Variants in CFAP100 observed in about 807,000 individuals in gnomAD.
The protein encoded by CFAP100 is cilia and flagella associated protein 100, also known as cilia- and flagella-associated protein 100.
CFAP100 carries 70 observed loss-of-function variants against 81.5 expected under a neutral mutation model. The observed-to-expected ratio is 0.86, with a 90% confidence interval of 0.71 to 1.05. CFAP100 has a LOEUF of 1.05. CFAP100 is among the 50% of genes least tolerant of loss of function. CFAP100 has a pLI of 0.00. For synonymous variants in CFAP100, 341 were observed against 314.8 expected (o/e 1.08, Z -0.88); for missense variants, 811 against 776.5 (o/e 1.04, Z -0.53).
At chr3:126,399,923 T>C (rs1482781576) in intron 2 of CFAP100, among the ~76,000 whole-genome samples, 1 of 152,108 alleles carries the variant, frequency 6.6e-6, no homozygotes, top group African/African-American at 2.4e-5. Flanking sequence ...GATCTTGTCC[T>C]CCAAAAATTG....
chr3:126,399,899 G>A lies in CFAP100; in HGVS notation c.49+3850G>A, dbSNP rs1159381597. 5.9e-5 allele frequency among the ~76,000 whole-genome samples: 9 copies of A among 152,136 alleles called. 1 individual carries two copies. The highest frequency in any genetic ancestry group is 5.2e-4 in the Admixed American group (8 of 15,276). ...TTCCCGGTACAGCTTGCTGGTGCCA[G>A]GGTGGGAAATAAGGATCTTGTCCTC... On this transcript the variant is annotated intron_variant, in intron 2 of 16. Transcript: ENST00000352312.
In CFAP100 at chr3:126,419,720, T is replaced by G. The variant is rs2083297842; in HGVS notation, c.815T>G (p.Leu272Arg). The G allele has an allele frequency of 6.2e-7, 1 of 1,613,952 alleles. No individual in the cohort carries two copies. The highest frequency in any genetic ancestry group is 1.1e-5 in the South Asian group (1 of 91,092). Residue 272 changes from leucine to arginine, a missense_variant, in exon 9 of 17, where the codon CTT (leucine) becomes CGT (arginine). Transcript: ENST00000352312. ...TACAAGCTGTCGCCCAAGGAGTGGC[T>G]TGAAGAACAGGAAAAGAAACACTCG... ...FLYKLSPKEW[L>R]EEQEKKHSFL... is the part of the protein sequence containing the mutation.
intron 4 of CFAP100, among the ~76,000 whole-genome samples, chr3:126,415,154 C>A (rs935394772): frequency 6.6e-6 from 1 of 152,132 alleles, no homozygotes; most frequent in Non-Finnish European, 1.5e-5. Context: ...TCGAGGCCTC[C>A]CCCACCTTCC....
intron 3 of CFAP100, among the ~76,000 whole-genome samples, chr3:126,413,768 C>G (rs1046405899): frequency 3.9e-5 from 6 of 152,226 alleles, no homozygotes; most frequent in Non-Finnish European, 8.8e-5. Flanking sequence ...CTCGGCCTCC[C>G]TTCTCCATAA....
At chr3:126,425,086 A>C (rs1271005053) in intron 13 of CFAP100, among the ~76,000 whole-genome samples, 10 of 152,264 alleles carry the variant, frequency 6.6e-5, no homozygotes, top group Non-Finnish European at 1.3e-4. Context: ...GGTGACAGAC[A>C]CAGAGGAAGA....
intron 2 of CFAP100, among the ~76,000 whole-genome samples, chr3:126,400,751 C>T: frequency 7.0e-6 from 1 of 143,444 alleles, no homozygotes; most frequent in Admixed American, 7.0e-5. Context: ...GACTCCGTCT[C>T]AAAAAAAAAA....
At chr3:126,416,562 G>T in intron 5 of CFAP100, 54 bp downstream of exon 5, 1 of 1,417,082 alleles carries the variant, frequency 7.1e-7, no homozygotes. Context: ...CACAACCGCA[G>T]CTCAGGGGGC....
intron 3 of CFAP100, among the ~76,000 whole-genome samples, chr3:126,408,024 C>G (rs1197374435): frequency 2.6e-5 from 4 of 152,158 alleles, no homozygotes; most frequent in Non-Finnish European, 4.4e-5. Flanking sequence ...GGCCCAGGCT[C>G]CCACCCCTCT....
chr3:126,405,782 G>T (rs1329097191), intron 2 of CFAP100, among the ~76,000 whole-genome samples: 1 of 151,986 alleles, frequency 6.6e-6, no homozygotes, highest in Non-Finnish European at 1.5e-5. Flanking sequence ...TATGTGCATT[G>T]CTCTTTCATT....
intron 11 of CFAP100, among the ~76,000 whole-genome samples, chr3:126,422,748 C>A (rs930890268): frequency 1.6e-4 from 24 of 152,216 alleles, no homozygotes; most frequent in African/African-American, 4.8e-4. Context: ...GTGGGACCCC[C>A]AGGACAGGGG....
chr3:126,434,431 G>C, intron 15 of CFAP100, 50 bp downstream of exon 15: 2 of 1,565,698 alleles, frequency 1.3e-6, no homozygotes, highest in Non-Finnish European at 8.7e-7. Flanking sequence ...CTGGCCCTGA[G>C]GGCAGAGGGC....
intron 15 of CFAP100, 175 bp downstream of exon 15, chr3:126,434,556 G>T: frequency 1.5e-6 from 1 of 660,586 alleles, no homozygotes; most frequent in South Asian, 2.0e-5. Flanking sequence ...CAGTCAAGTG[G>T]GGGGTGGTTA....
intron 15 of CFAP100, among the ~76,000 whole-genome samples, chr3:126,435,340 A>AG (rs1933402791): frequency 6.6e-6 from 1 of 152,152 alleles, no homozygotes; most frequent in South Asian, 2.1e-4. Flanking sequence ...TCGGAGCAGC[A>AG]GGGCCCTGGT....
intron 2 of CFAP100, among the ~76,000 whole-genome samples, chr3:126,398,595 G>T (rs1251688829): frequency 6.6e-6 from 1 of 152,222 alleles, no homozygotes; most frequent in Non-Finnish European, 1.5e-5. Context: ...ACCACAGATG[G>T]CCAGGCCTTC....
chr3:126,418,821 A>G (rs1324065515), intron 7 of CFAP100, 47 bp downstream of exon 7: 2 of 1,525,004 alleles, frequency 1.3e-6, no homozygotes, highest in Non-Finnish European at 1.8e-6. Flanking sequence ...CCGAACCCCC[A>G]CTGTCCCTGA....
At position 126,420,077 on chromosome 3, in the gene CFAP100, G is replaced by A. The variant is rs374555935; in HGVS notation, c.956-26G>A. The A allele has an allele frequency of 2.9e-4, 471 of 1,613,250 alleles. 1 individual carries two copies. The highest frequency in any genetic ancestry group is 1.8e-3 in the South Asian group (167 of 91,070). On this transcript the variant is annotated intron_variant, in intron 10 of 16. Transcript: ENST00000352312. Reference sequence around the variant, plus strand: ...CCTGGCTCTGCCCTGCACAGGGCTCGGAAACTATTCCTCTGCTTTCTCCAG... The same window carrying A: ...CCTGGCTCTGCCCTGCACAGGGCTCAGAAACTATTCCTCTGCTTTCTCCAG...
chr3:126,435,431 CA>C (rs1395162084), intron 15 of CFAP100, 127 bp from the exon 16 acceptor site: 3 of 689,024 alleles, frequency 4.4e-6, no homozygotes, highest in Non-Finnish European at 7.3e-6. Context: ...CTTGACCTGG[CA>C]AAAGAGGTGA....
At chr3:126,407,558 G>A (rs2083085766) in intron 3 of CFAP100, among the ~76,000 whole-genome samples, 2 of 151,254 alleles carry the variant, frequency 1.3e-5, no homozygotes, top group African/African-American at 4.9e-5. Context: ...AAGGAATTAG[G>A]GCTTTCAACC....
At chr3:126,404,445 G>A (rs2083031705) in intron 2 of CFAP100, among the ~76,000 whole-genome samples, 1 of 152,146 alleles carries the variant, frequency 6.6e-6, no homozygotes, top group Non-Finnish European at 1.5e-5. Flanking sequence ...TCCTTCTATG[G>A]AAGGCTGCCT....
Sources: allele counts gnomAD v4.1 joint callset (sites outside exome capture counted in the v4.1 genomes callset), GRCh38; gene constraint gnomAD v4.1.1; transcripts MANE v1.5; gene names NCBI Gene and HGNC (gene_info 2026-07-23, HGNC 2026-07-21).